Variants in GULP1 observed in about 807,000 individuals in gnomAD.
GULP1 encodes GULP PTB domain containing engulfment adaptor 1.
A neutral mutation model predicts 40.9 loss-of-function variants in GULP1; 19 were observed. The ratio of observed to expected loss-of-function variants is 0.46; its 90% CI spans 0.32 to 0.68. The LOEUF is 0.68. Among genes scored for constraint, GULP1 ranks in the 30% least tolerant of loss-of-function variants. The pLI is 0.03. For missense variants in GULP1, 312 were observed against 362.2 expected (o/e 0.86, Z 1.12); for synonymous variants, 119 against 117.6 (o/e 1.01, Z -0.08).
At chr2:188,465,975 G>A (rs1021395960) in intron 2 of GULP1, among the ~76,000 whole-genome samples, 1 of 145,230 alleles carries the variant, frequency 6.9e-6, no homozygotes, top group African/African-American at 2.8e-5. Flanking sequence ...GTGTATATGT[G>A]TGTGTGTGTG....
intron 1 of GULP1, among the ~76,000 whole-genome samples, chr2:188,328,897 C>T (rs976045723): frequency 1.3e-5 from 2 of 152,102 alleles, no homozygotes; most frequent in Non-Finnish European, 2.9e-5. Context: ...GAATATAACA[C>T]ATAAACATAC....
rs1702695101 is a variant in GULP1 at position 188,587,750 on chromosome 2, A to T, written c.749-105A>T. The T allele has an allele frequency of 8.9e-6, 6 of 676,470 alleles. No homozygotes were observed. The African/African-American group carries it at 1.1e-4, about 12-fold the overall frequency. 41.9% of individuals were successfully genotyped at this position (676,470 alleles called of 1,614,324 possible). ...CAGTGTAAGTGTGGGTTAGTGGCTT[A>T]TTTGATCATGTAAATATTCATTTAT... On this transcript the variant is annotated intron_variant, in intron 10 of 11. Coordinates refer to ENST00000409830, the MANE Select transcript of GULP1 (RefSeq NM_016315.4).
chr2:188,495,152 A>G (rs1212870849), intron 4 of GULP1, among the ~76,000 whole-genome samples: 1 of 152,070 alleles, frequency 6.6e-6, no homozygotes, highest in Non-Finnish European at 1.5e-5. Flanking sequence ...TAACACTATG[A>G]CTAATACCTT....
intron 1 of GULP1, among the ~76,000 whole-genome samples, chr2:188,295,631 A>G (rs2034741537): frequency 6.6e-6 from 1 of 152,166 alleles, no homozygotes; most frequent in African/African-American, 2.4e-5. Context: ...GAACAGATCA[A>G]CTTATTAGAG....
chr2:188,457,368 G>A (rs962256494), intron 2 of GULP1, among the ~76,000 whole-genome samples: 1 of 152,062 alleles, frequency 6.6e-6, no homozygotes, highest in Admixed American at 6.6e-5. Context: ...TGAATTATGG[G>A]GGTGGCTCTT....
intron 11 of GULP1, chr2:188,593,182 G>A (rs750827205): frequency 1.3e-5 from 2 of 152,018 alleles, no homozygotes; most frequent in Non-Finnish European, 2.9e-5. Context: ...TGGCAAGACT[G>A]GAGATGGCCC....
intron 4 of GULP1, among the ~76,000 whole-genome samples, chr2:188,499,154 T>TGAACTC (rs1368527057): frequency 2.8e-5 from 4 of 145,348 alleles, no homozygotes; most frequent in Non-Finnish European, 6.1e-5. Flanking sequence ...TATATATATA[T>TGAACTC]ATATATATAT....
In GULP1 at chr2:188,449,871, A is replaced by G. The variant is rs377453095; in HGVS notation, c.-44-27788A>G. Among the ~76,000 whole-genome samples, 168 of 152,272 alleles carry G rather than the reference A, an allele frequency of 1.1e-3. 1 individual carries two copies. Among genetic ancestry groups the G allele is most frequent in the Non-Finnish European group, 1.8e-3 (125 of 68,004 alleles). ...GGAGGTAGGTTTTAGCAATAGTTCA[A>G]ATGGCTTTATAGAGTTTATTCATTT... On this transcript the variant is annotated intron_variant, in intron 2 of 11. Transcript: ENST00000409830.
Position 188,594,371 on chromosome 2 carries a change from G to C in GULP1, c.*360G>C, listed in dbSNP as rs1704144202. On this transcript the variant is annotated 3_prime_UTR_variant, in exon 12 of 12. Transcript: ENST00000409830. ...CTAGTTTATTAATGATTTCCCAAAA[G>C]CCATACCTTAAAGATAACTTTTTAA... 6.2e-6 allele frequency: 1 copy of C among 161,216 alleles called. No homozygotes were observed. Among genetic ancestry groups the C allele is most frequent in the Non-Finnish European group, 1.4e-5 (1 of 73,768 alleles). The allele number at this position is 161,216 out of a possible 1,614,324, so 10.0% of individuals were successfully genotyped here.
At chr2:188,550,800 TG>T (rs778739731) in intron 7 of GULP1, among the ~76,000 whole-genome samples, 1 of 151,352 alleles carries the variant, frequency 6.6e-6, no homozygotes, top group Non-Finnish European at 1.5e-5. Flanking sequence ...AAAAAATTAA[TG>T]TTTTTTTTAT....
Position 188,541,285 on chromosome 2 carries a change from A to G in GULP1, c.366A>G (p.Lys122=), listed in dbSNP as rs757965437. The stretch of plus-strand genomic sequence containing the variant: ...TATGCAAAGATTCTGAGTCAAATAA[A>G]CATTTGTGCTATGTATTTGACAGCG... ...TFICKDSESN[K]HLCYVFDSEK... is the part of the protein sequence containing the mutation. Residue 122 remains lysine (K), a synonymous_variant, in exon 7 of 12, where the codon AAA becomes AAG. Transcript: ENST00000409830. The G allele has an allele frequency of 1.2e-6, 2 of 1,613,038 alleles. No homozygotes were observed. Among genetic ancestry groups the G allele is most frequent in the East Asian group, 4.5e-5 (2 of 44,816 alleles).
At chr2:188,462,679 G>T (rs1226891334) in intron 2 of GULP1, among the ~76,000 whole-genome samples, 4 of 151,852 alleles carry the variant, frequency 2.6e-5, no homozygotes, top group African/African-American at 9.7e-5. Context: ...GAACTTCTTT[G>T]TCTTTTCTTA....
chr2:188,461,781 T>C (rs536515864), intron 2 of GULP1, among the ~76,000 whole-genome samples: 2 of 152,308 alleles, frequency 1.3e-5, no homozygotes, highest in African/African-American at 4.8e-5. Flanking sequence ...GGGATAGCAG[T>C]TGTAAAATTT....
chr2:188,473,809 C>A (rs893973459), intron 2 of GULP1, among the ~76,000 whole-genome samples: 1 of 152,076 alleles, frequency 6.6e-6, no homozygotes, highest in Non-Finnish European at 1.5e-5. Flanking sequence ...GACAAAGTCC[C>A]CTTTACTTTT....
At chr2:188,305,925 G>A (rs1437235657) in intron 1 of GULP1, among the ~76,000 whole-genome samples, 1 of 152,062 alleles carries the variant, frequency 6.6e-6, no homozygotes, top group Non-Finnish European at 1.5e-5. Flanking sequence ...TTGCAGGCAT[G>A]TGCCACTGCG....
intron 7 of GULP1, among the ~76,000 whole-genome samples, chr2:188,546,308 A>T (rs1691951100): frequency 1.3e-5 from 2 of 152,022 alleles, no homozygotes; most frequent in African/African-American, 4.8e-5. Context: ...GTACCAAATT[A>T]AGTCACATCC....
chr2:188,413,436 C>T (rs2054174586), intron 2 of GULP1, among the ~76,000 whole-genome samples: 1 of 152,156 alleles, frequency 6.6e-6, no homozygotes, highest in East Asian at 1.9e-4. Context: ...CTCTGCTGAC[C>T]AGTGATGATG....
intron 1 of GULP1, among the ~76,000 whole-genome samples, chr2:188,380,759 A>G (rs997800463): frequency 2.0e-5 from 3 of 152,186 alleles, no homozygotes; most frequent in Non-Finnish European, 2.9e-5. Flanking sequence ...GGTGGTCTGT[A>G]TTTCATATGA....
At chr2:188,466,444 A>ATTTTTTTT (rs60944877) in intron 2 of GULP1, 2 of 118,196 alleles carry the variant, frequency 1.7e-5, no homozygotes, top group Non-Finnish European at 1.8e-5. Flanking sequence ...TGCCCAGCTA[A>ATTTTTTTT]TTTTTTTTTT....
Sources: allele counts gnomAD v4.1 joint callset (sites outside exome capture counted in the v4.1 genomes callset), GRCh38; gene constraint gnomAD v4.1.1; transcripts MANE v1.5; gene names NCBI Gene and HGNC (gene_info 2026-07-23, HGNC 2026-07-21).